The following GPC5 variants were observed in gnomAD, a reference collection of about 807,000 sequenced individuals.
GPC5 encodes glypican-5.
GPC5 carries 47 observed loss-of-function variants against 53.9 expected under a neutral mutation model. The observed-to-expected ratio is 0.87, with a 90% CI of 0.69 to 1.11. GPC5 has a LOEUF of 1.11. Ranked by LOEUF, GPC5 falls within the 50% of genes most tolerant of loss-of-function variation. The probability of loss-of-function intolerance (pLI) is 0.00; values close to 1 mark genes in which losing one functional copy is unlikely to be tolerated. For missense variants in GPC5, 748 were observed against 713.1 expected (o/e 1.05, Z -0.56); for synonymous variants, 286 against 263.3 (o/e 1.09, Z -0.84).
intron 2 of GPC5, among the ~76,000 whole-genome samples, chr13:91,658,462 C>T (rs1368855909): frequency 1.3e-5 from 2 of 152,062 alleles, no homozygotes; most frequent in Admixed American, 6.6e-5. Context: ...ATTAATAAGG[C>T]CAACTAATTC....
Position 91,873,952 on chromosome 13 carries a change from G to A in GPC5, c.1281-33985G>A, listed in dbSNP as rs142816957. ...CTGCCTCAGCTTCCCAACCTGCTGG[G>A]GTCACAGGCATGATCCACATGCCCA... On this transcript the variant is annotated intron_variant, in intron 5 of 7. Coordinates refer to ENST00000377067, the MANE Select transcript of GPC5 (RefSeq NM_004466.6). Among the ~76,000 whole-genome samples, 75 of 152,220 alleles carry A rather than the reference G, an allele frequency of 4.9e-4. 1 individual carries two copies. The East Asian group carries it at 0.012, about 25-fold the overall frequency.
chr13:91,987,935 T>A (rs1214261157), intron 6 of GPC5, among the ~76,000 whole-genome samples: 1 of 145,906 alleles, frequency 6.9e-6, no homozygotes, highest in African/African-American at 2.5e-5. Flanking sequence ...AAACATACTA[T>A]ACATTATAGT....
At chr13:92,753,691 C>A (rs1239850449) in intron 7 of GPC5, among the ~76,000 whole-genome samples, 1 of 151,980 alleles carries the variant, frequency 6.6e-6, no homozygotes, top group Admixed American at 6.6e-5. Flanking sequence ...ATGCAGAAAC[C>A]TCAGGAGCCG....
At chr13:92,291,172 G>A (rs556937653) in intron 7 of GPC5, among the ~76,000 whole-genome samples, 16 of 152,196 alleles carry the variant, frequency 1.1e-4, no homozygotes, top group South Asian at 2.1e-4. Flanking sequence ...CCCGAGGAGC[G>A]CCACCCCCTG....
chr13:92,807,295 A>C (rs541760321), intron 7 of GPC5, among the ~76,000 whole-genome samples: 1 of 152,238 alleles, frequency 6.6e-6, no homozygotes, highest in Non-Finnish European at 1.5e-5. Flanking sequence ...TATTTTAAAG[A>C]AAACAAAAAG....
At chr13:91,595,163 G>A (rs1053253819) in intron 2 of GPC5, among the ~76,000 whole-genome samples, 1 of 151,784 alleles carries the variant, frequency 6.6e-6, no homozygotes, top group Non-Finnish European at 1.5e-5. Context: ...GACTACAGAT[G>A]TATGCCACCA....
intron 2 of GPC5, among the ~76,000 whole-genome samples, chr13:91,536,187 C>T (rs1301293741): frequency 6.6e-6 from 1 of 152,036 alleles, no homozygotes; most frequent in Non-Finnish European, 1.5e-5. Context: ...AAAATTTGCT[C>T]CTCTATAAAA....
At chr13:91,766,209 C>A (rs1398973055) in intron 5 of GPC5, among the ~76,000 whole-genome samples, 2 of 152,286 alleles carry the variant, frequency 1.3e-5, no homozygotes, top group Non-Finnish European at 1.5e-5. Flanking sequence ...TTTTAATCAG[C>A]AGACTTGGAA....
chr13:92,525,437 A>AGTGTGTGTGTGTGTGT (rs34946580), intron 7 of GPC5, among the ~76,000 whole-genome samples: 2,117 of 136,586 alleles, frequency 0.015, 32 homozygotes, highest in Middle Eastern at 0.058. Flanking sequence ...GATAGATTCA[A>AGTGTGTGTGTGTGTGT]GTGTGTGTGT....
At chr13:92,518,366 G>A (rs949712514) in intron 7 of GPC5, among the ~76,000 whole-genome samples, 1 of 152,108 alleles carries the variant, frequency 6.6e-6, no homozygotes. Context: ...AATGTTAAAG[G>A]CAGCCAGAGA....
At chr13:92,004,194 C>T (rs2040582398) in intron 6 of GPC5, among the ~76,000 whole-genome samples, 2 of 151,852 alleles carry the variant, frequency 1.3e-5, no homozygotes, top group Admixed American at 1.3e-4. Flanking sequence ...TGCCTGTAAT[C>T]CTAGCACTTT....
At chr13:92,706,393 G>A (rs1887953142) in intron 7 of GPC5, among the ~76,000 whole-genome samples, 1 of 151,734 alleles carries the variant, frequency 6.6e-6, no homozygotes, top group Non-Finnish European at 1.5e-5. Flanking sequence ...CTGATCATCT[G>A]GCTGGAAGTA....
intron 2 of GPC5, among the ~76,000 whole-genome samples, chr13:91,538,734 C>T (rs1566486880): frequency 6.6e-6 from 1 of 151,916 alleles, no homozygotes; most frequent in Non-Finnish European, 1.5e-5. Context: ...AGGTGCCCGC[C>T]ACGACGCTGG....
intron 7 of GPC5, among the ~76,000 whole-genome samples, chr13:92,390,980 A>G (rs2253673): frequency 0.57 from 86,334 of 151,766 alleles, 24,891 homozygotes; most frequent in African/African-American, 0.64. Context: ...ATATGGTTTC[A>G]CTTCAAAATG....
chr13:92,735,867 C>T lies in GPC5; in HGVS notation c.1562-130415C>T, dbSNP rs9556205. 0.023 allele frequency among the ~76,000 whole-genome samples: 3,559 copies of T among 151,990 alleles called. 290 individuals carry two copies. The East Asian group carries it at 0.28, about 12-fold the overall frequency. ...TGGCATTAGTATGTGTCCTATCAGC[C>T]TCATTAACTAGGATGTAAAGAGGAA... On this transcript the variant is annotated intron_variant, in intron 7 of 7. Transcript: ENST00000377067.
chr13:92,075,201 G>T (rs2041243115), intron 6 of GPC5, among the ~76,000 whole-genome samples: 1 of 152,132 alleles, frequency 6.6e-6, no homozygotes, highest in African/African-American at 2.4e-5. Context: ...GTTCCAACAT[G>T]TGACATACTG....
chr13:91,537,753 T>C (rs1886657007), intron 2 of GPC5, among the ~76,000 whole-genome samples: 2 of 152,184 alleles, frequency 1.3e-5, no homozygotes, highest in Admixed American at 6.5e-5. Context: ...TTAGTAAATA[T>C]AGATGCAAAA....
chr13:91,562,619 AT>A (rs35271520), intron 2 of GPC5, among the ~76,000 whole-genome samples: 9,410 of 126,010 alleles, frequency 0.075, 427 homozygotes, highest in East Asian at 0.21. Flanking sequence ...ATGCCTGGCT[AT>A]TTTTTTTTTT....
intron 2 of GPC5, among the ~76,000 whole-genome samples, chr13:91,520,206 G>A (rs8002835): frequency 1.3e-5 from 2 of 152,124 alleles, no homozygotes; most frequent in South Asian, 2.1e-4. Context: ...GATGTTAAAT[G>A]TGTGAATGAA....
Sources: allele counts gnomAD v4.1 joint callset (sites outside exome capture counted in the v4.1 genomes callset), GRCh38; gene constraint gnomAD v4.1.1; transcripts MANE v1.5; gene names NCBI Gene and HGNC (gene_info 2026-07-23, HGNC 2026-07-21).